The following CSMD1 variants were observed in gnomAD, a reference collection of about 807,000 sequenced individuals.
The protein encoded by CSMD1 is CUB and sushi domain-containing protein 1.
Under a neutral mutation model 417.5 loss-of-function variants are expected in CSMD1, and 213 were observed. That is an observed-to-expected ratio of 0.51 (90% CI 0.46 to 0.57). The LOEUF (loss-of-function observed/expected upper bound fraction) is 0.57, where lower values mean the gene tolerates loss of function less well. Among genes scored for constraint, CSMD1 ranks in the 20% least tolerant of loss-of-function variants. CSMD1 has a pLI of 0.00. For synonymous variants in CSMD1, 2,862 were observed against 1,736.8 expected (o/e 1.65, Z -16.11); for missense variants, 6,923 against 4,529.7 (o/e 1.53, Z -15.17).
chr8:4,785,271 T>A (rs1797344734), intron 1 of CSMD1, among the ~76,000 whole-genome samples: 1 of 152,056 alleles, frequency 6.6e-6, no homozygotes, highest in Admixed American at 6.6e-5. Context: ...TTGGCAAAGG[T>A]GATTTTCATA....
At chr8:4,934,648 T>G (rs1481087626) in intron 1 of CSMD1, among the ~76,000 whole-genome samples, 1 of 151,840 alleles carries the variant, frequency 6.6e-6, no homozygotes, top group Non-Finnish European at 1.5e-5. Flanking sequence ...ATCATGTATT[T>G]ATTGATCAAT....
At chr8:4,244,104 A>T (rs1049911565) in intron 3 of CSMD1, among the ~76,000 whole-genome samples, 2 of 152,162 alleles carry the variant, frequency 1.3e-5, no homozygotes, top group Non-Finnish European at 2.9e-5. Context: ...GAAGATGACT[A>T]CTGGGTGCTG....
At chr8:4,634,816 C>G (rs183109775) in intron 2 of CSMD1, among the ~76,000 whole-genome samples, 1 of 152,122 alleles carries the variant, frequency 6.6e-6, no homozygotes, top group African/African-American at 2.4e-5. Context: ...TGTGTTTTCC[C>G]TGACAACACA....
At chr8:4,079,394 G>C (rs900592693) in intron 3 of CSMD1, among the ~76,000 whole-genome samples, 2 of 152,098 alleles carry the variant, frequency 1.3e-5, no homozygotes, top group African/African-American at 4.8e-5. Context: ...ATTCAGTTTT[G>C]TCATGTCTAT....
Position 3,157,947 on chromosome 8 carries a change from C to A in CSMD1, c.5864G>T (p.Cys1955Phe). Reference sequence around the variant, plus strand: ...CCAACGGCGAACGGTCCCTGGCATACAGGAAATGTGGGAACGGCCCTGTTT... The same window carrying A: ...CCAACGGCGAACGGTCCCTGGCATAAAGGAAATGTGGGAACGGCCCTGTTT... Reference protein sequence around the residue: ...YTLQGRSHISCMPGTVRRWNY... With the variant: ...YTLQGRSHISFMPGTVRRWNY... The change falls in exon 39 of 70, where the codon TGT (cysteine) becomes TTT (phenylalanine). Residue 1955 changes from cysteine to phenylalanine, a missense_variant. Physicochemically the swap from Cys to Phe is radical, Grantham distance 205. Transcript: ENST00000635120. 6.4e-7 allele frequency: 1 copy of A among 1,554,346 alleles called. No homozygotes were observed. Among genetic ancestry groups the A allele is most frequent in the Non-Finnish European group, 8.7e-7 (1 of 1,148,498 alleles).
At chr8:3,924,459 C>T (rs565064607) in intron 5 of CSMD1, among the ~76,000 whole-genome samples, 1 of 152,210 alleles carries the variant, frequency 6.6e-6, no homozygotes, top group East Asian at 1.9e-4. Context: ...AGAAATTTAT[C>T]TTTCTCTGTT....
At chr8:3,764,478 C>A (rs1237622965) in intron 5 of CSMD1, among the ~76,000 whole-genome samples, 1 of 152,180 alleles carries the variant, frequency 6.6e-6, no homozygotes, top group Non-Finnish European at 1.5e-5. Flanking sequence ...TAGAGGCACC[C>A]ACAATCTTTG....
chr8:4,085,365 G>T (rs1800364243), intron 3 of CSMD1, among the ~76,000 whole-genome samples: 1 of 152,024 alleles, frequency 6.6e-6, no homozygotes, highest in African/African-American at 2.4e-5. Flanking sequence ...CAAAGAAAAG[G>T]AAAAAGAAGC....
chr8:3,904,885 C>G lies in CSMD1; in HGVS notation c.818+93018G>C, dbSNP rs150656488. Among the ~76,000 whole-genome samples the G allele has an allele frequency of 3.3e-3, 507 of 152,234 alleles. 4 individuals carry two copies. The highest frequency in any genetic ancestry group is 0.011 in the African/African-American group (472 of 41,550). On this transcript the variant is annotated intron_variant, in intron 5 of 69. Coordinates refer to ENST00000635120, the MANE Select transcript of CSMD1 (RefSeq NM_033225.6). ...CTCTTGACCTCAAGTGATCCACCTG[C>G]TTCCGCCTCCCAAAGGGCTGAGATT...
chr8:3,795,077 G>T (rs538745911), intron 5 of CSMD1, among the ~76,000 whole-genome samples: 1 of 146,822 alleles, frequency 6.8e-6, no homozygotes, highest in South Asian at 2.2e-4. Context: ...TATCTATCAT[G>T]TACAGCTATA....
At chr8:3,980,645 G>C (rs906437853) in intron 5 of CSMD1, among the ~76,000 whole-genome samples, 3 of 151,986 alleles carry the variant, frequency 2.0e-5, no homozygotes, top group Admixed American at 6.6e-5. Context: ...TGGCTTTTCT[G>C]TATCAAATGA....
intron 12 of CSMD1, among the ~76,000 whole-genome samples, chr8:3,424,120 A>C (rs767264940): frequency 6.6e-6 from 1 of 152,228 alleles, no homozygotes; most frequent in Non-Finnish European, 1.5e-5. Flanking sequence ...CAAATTTATC[A>C]GTATAGGAAG....
At chr8:4,598,337 G>A (rs1192996542) in intron 2 of CSMD1, among the ~76,000 whole-genome samples, 1 of 152,284 alleles carries the variant, frequency 6.6e-6, no homozygotes, top group East Asian at 1.9e-4. Context: ...CTAAACAGCT[G>A]AAAATGGTGT....
chr8:3,882,235 T>C lies in CSMD1; in HGVS notation c.818+115668A>G, dbSNP rs184513738. ...ACCCATAAAGTGGAAAAAAAAGTAA[T>C]TGATTTGAACTGACACTTATTAGAA... On this transcript the variant is annotated intron_variant, in intron 5 of 69. Transcript: ENST00000635120. 2.6e-5 allele frequency among the ~76,000 whole-genome samples: 4 copies of C among 152,044 alleles called. No individual in the cohort carries two copies. In the East Asian group the frequency reaches 5.8e-4, roughly 22 times the overall value.
At chr8:4,054,710 C>A (rs758273511) in intron 3 of CSMD1, among the ~76,000 whole-genome samples, 56 of 152,080 alleles carry the variant, frequency 3.7e-4, no homozygotes, top group Non-Finnish European at 2.9e-4. Flanking sequence ...TGAGGGTGCC[C>A]AGAGGAAAAT....
intron 2 of CSMD1, among the ~76,000 whole-genome samples, chr8:4,506,332 C>T (rs748672947): frequency 1.3e-5 from 2 of 152,076 alleles, no homozygotes; most frequent in Non-Finnish European, 2.9e-5. Context: ...CTGAAACCCA[C>T]GGTGGGTTAG....
At chr8:4,512,321 C>G (rs1802866523) in intron 2 of CSMD1, among the ~76,000 whole-genome samples, 1 of 152,174 alleles carries the variant, frequency 6.6e-6, no homozygotes, top group Non-Finnish European at 1.5e-5. Context: ...CCAAAAAACC[C>G]TGCAGCTAAC....
At chr8:4,399,015 G>A (rs1183173322) in intron 3 of CSMD1, among the ~76,000 whole-genome samples, 1 of 152,130 alleles carries the variant, frequency 6.6e-6, no homozygotes, top group Non-Finnish European at 1.5e-5. Context: ...TATGTACACA[G>A]CTTTGTAAAT....
Position 3,946,153 on chromosome 8 carries a change from A to G in CSMD1, c.818+51750T>C, listed in dbSNP as rs190573710. ...ACATGATCTCACATAATCCCAATGC[A>G]CCCTTTGAAATAAGATTATTACAAA... On this transcript the variant is annotated intron_variant, in intron 5 of 69. Transcript: ENST00000635120. Among the ~76,000 whole-genome samples the G allele has an allele frequency of 9.3e-4, 142 of 152,208 alleles. 3 individuals carry two copies. The East Asian group carries it at 0.02, about 21-fold the overall frequency.
Sources: allele counts gnomAD v4.1 joint callset (sites outside exome capture counted in the v4.1 genomes callset), GRCh38; gene constraint gnomAD v4.1.1; transcripts MANE v1.5; gene names NCBI Gene and HGNC (gene_info 2026-07-23, HGNC 2026-07-21).